The following KLHL6 variants were observed in gnomAD, a reference collection of about 807,000 sequenced individuals.
The protein encoded by KLHL6 is kelch-like protein 6.
KLHL6 carries 41 observed loss-of-function variants against 58.6 expected under a neutral mutation model. The observed-to-expected ratio is 0.70, with a 90% CI of 0.55 to 0.91. The LOEUF is 0.91. KLHL6 is among the 40% of genes least tolerant of loss of function. KLHL6 has a pLI of 0.00. For missense variants in KLHL6, 714 were observed against 805.6 expected (o/e 0.89, Z 1.38); for synonymous variants, 338 against 322.7 (o/e 1.05, Z -0.51).
At chr3:183,543,251 C>T (rs1172685586) in intron 1 of KLHL6, among the ~76,000 whole-genome samples, 1 of 150,854 alleles carries the variant, frequency 6.6e-6, no homozygotes, top group Admixed American at 6.6e-5. Context: ...CGCACCACTG[C>T]ACTCCAGCCT....
At chr3:183,517,158 C>T (rs1421187924) in intron 2 of KLHL6, among the ~76,000 whole-genome samples, 1 of 152,158 alleles carries the variant, frequency 6.6e-6, no homozygotes, top group Non-Finnish European at 1.5e-5. Context: ...AAGTGATCTG[C>T]CTGCCTTGGC....
chr3:183,538,221 AAACTTCACC>A (rs1712428863), intron 1 of KLHL6, among the ~76,000 whole-genome samples: 2 of 152,130 alleles, frequency 1.3e-5, no homozygotes. Context: ...TGTAGTTCCT[AAACTTCACC>A]AACTCAGAAT....
chr3:183,553,060 G>A (rs57029203), intron 1 of KLHL6, among the ~76,000 whole-genome samples: 14,842 of 152,086 alleles, frequency 0.098, 1,082 homozygotes, highest in African/African-American at 0.21. Context: ...TAGTAGCACC[G>A]GAAGAAAGAA....
intron 1 of KLHL6, among the ~76,000 whole-genome samples, chr3:183,532,058 T>A (rs543604917): frequency 3.3e-5 from 5 of 152,366 alleles, no homozygotes; most frequent in Admixed American, 1.3e-4. Flanking sequence ...GATTGAATTG[T>A]GTCCCCCACA....
chr3:183,555,131 C>A (rs2108704323), intron 1 of KLHL6, among the ~76,000 whole-genome samples: 1 of 152,254 alleles, frequency 6.6e-6, no homozygotes, highest in Non-Finnish European at 1.5e-5. Context: ...CGCCATTGCA[C>A]TCCAGCCTGG....
Position 183,490,848 on chromosome 3 carries a change from A to G in KLHL6, c.*1079T>C, listed in dbSNP as rs1333579533. ...GAGGAGGACAGAACACAAGTATTTC[A>G]TCTCTTTCAAAGCAAACAGGCCTTC... On this transcript the variant is annotated 3_prime_UTR_variant, in exon 7 of 7. Coordinates refer to ENST00000341319, the MANE Select transcript of KLHL6 (RefSeq NM_130446.4). The G allele has an allele frequency of 6.6e-6, 1 of 151,758 alleles. No homozygotes were observed. The highest frequency in any genetic ancestry group is 1.9e-4 in the East Asian group (1 of 5,150). 9.4% of individuals were successfully genotyped at this position (151,758 alleles called of 1,614,324 possible).
At chr3:183,529,749 C>T (rs1712096461) in intron 1 of KLHL6, among the ~76,000 whole-genome samples, 1 of 151,542 alleles carries the variant, frequency 6.6e-6, no homozygotes, top group African/African-American at 2.4e-5. Flanking sequence ...TGTGCCACTG[C>T]ACTCCAGTTT....
rs1717821550 is a variant in KLHL6, at chr3:183,499,767, T to C, written c.970A>G (p.Ile324Val). Residue 324 changes from isoleucine (I) to valine (V), a missense_variant, in exon 4 of 7, where the codon ATT becomes GTT. By Grantham distance (29) the Ile-to-Val change is conservative. Coordinates refer to ENST00000341319, the MANE Select transcript of KLHL6 (RefSeq NM_130446.4). This position sits in a 1 kb window ranked among gnomAD's most constrained non-coding sequence, Gnocchi z 4.6. ...HEFQSEVFMI[I>V]GGCTKDERFV... ...CGTTCATCCTTCGTGCAGCCGCCAA[T>C]GATCATGAACACCTCAGACTGGAAC... is the stretch of plus-strand genomic sequence containing the variant. 2 of 1,609,452 alleles carry C rather than the reference T, an allele frequency of 1.2e-6. No individual in the cohort carries two copies. The highest frequency in any genetic ancestry group is 2.2e-5 in the East Asian group (1 of 44,778).
At chr3:183,494,856 G>T (rs1418819591) in intron 4 of KLHL6, among the ~76,000 whole-genome samples, 2 of 152,092 alleles carry the variant, frequency 1.3e-5, no homozygotes, top group Admixed American at 1.3e-4. Flanking sequence ...AATAATTTTT[G>T]TTATAAAAGT....
At chr3:183,515,839 G>A (rs1037949177) in intron 2 of KLHL6, among the ~76,000 whole-genome samples, 5 of 152,140 alleles carry the variant, frequency 3.3e-5, no homozygotes, top group Admixed American at 3.3e-4. Flanking sequence ...GAGGGACAGA[G>A]GAAGGACATA....
intron 2 of KLHL6, among the ~76,000 whole-genome samples, chr3:183,513,400 C>T (rs1718243767): frequency 6.6e-6 from 1 of 152,234 alleles, no homozygotes; most frequent in Non-Finnish European, 1.5e-5. Context: ...TATACTATTT[C>T]AAGCTGCTGC....
chr3:183,512,291 A>G (rs2108677027), intron 2 of KLHL6, among the ~76,000 whole-genome samples: 1 of 152,308 alleles, frequency 6.6e-6, no homozygotes, highest in Middle Eastern at 3.4e-3. Context: ...ATTTCTAGGA[A>G]CTTAGACTAC....
chr3:183,525,447 G>A (rs954078062), intron 2 of KLHL6, among the ~76,000 whole-genome samples: 40 of 152,116 alleles, frequency 2.6e-4, no homozygotes, highest in African/African-American at 8.5e-4. Flanking sequence ...GGGAAGACAC[G>A]TCCATTCCTG....
At chr3:183,498,030 T>TCA in intron 4 of KLHL6, among the ~76,000 whole-genome samples, 1 of 151,998 alleles carries the variant, frequency 6.6e-6, no homozygotes, top group South Asian at 2.1e-4. Flanking sequence ...GGTCAGGAGT[T>TCA]CAAGACCAGC....
chr3:183,496,141 C>A (rs1391725971), intron 4 of KLHL6, among the ~76,000 whole-genome samples: 1 of 151,972 alleles, frequency 6.6e-6, no homozygotes, highest in Admixed American at 6.6e-5. Flanking sequence ...AAAAAACAAC[C>A]ACAGTCTAGG....
At chr3:183,521,193 CAT>C (rs1711746567) in intron 2 of KLHL6, 1 of 152,772 alleles carries the variant, frequency 6.5e-6, no homozygotes, top group Admixed American at 6.5e-5. Context: ...CAACACAGCA[CAT>C]GTTTCTGCGG....
intron 1 of KLHL6, chr3:183,552,245 T>C (rs1712944178): frequency 6.6e-6 from 1 of 152,210 alleles, no homozygotes; most frequent in African/African-American, 2.4e-5. Flanking sequence ...ACAACATTGT[T>C]TGTAATAGCA....
intron 1 of KLHL6, 127 bp downstream of exon 1, chr3:183,555,234 A>G: frequency 1.6e-6 from 1 of 632,564 alleles, no homozygotes; most frequent in African/African-American, 1.8e-5. Context: ...TTAAGTAGAC[A>G]CACAAGCCTT....
At chr3:183,521,846 A>G (rs889282914) in intron 2 of KLHL6, 5 of 150,676 alleles carry the variant, frequency 3.3e-5, no homozygotes, top group Non-Finnish European at 7.4e-5. Flanking sequence ...GACGCCCGCC[A>G]CTACACCTGG....
Sources: gnomAD v4.1 joint callset for allele counts (sites outside exome capture counted in the v4.1 genomes callset) on GRCh38, gnomAD v4.1.1 for gene constraint, Gnocchi (gnomAD v3.1) non-coding constraint, MANE v1.5 for transcripts, NCBI Gene and HGNC (gene_info 2026-07-23, HGNC 2026-07-21) for gene names.